The following SP9 variants were observed in gnomAD, a reference collection of about 807,000 sequenced individuals.
SP9 encodes transcription factor Sp9.
In SP9, 5 loss-of-function variants were observed where a neutral mutation model predicts 23.0. That is an observed-to-expected ratio of 0.22 (90% confidence interval 0.11 to 0.46). SP9 has a LOEUF of 0.46. Among genes scored for constraint, SP9 ranks in the 20% least tolerant of loss-of-function variants. SP9 has a pLI of 0.99. For missense variants in SP9, 542 were observed against 724.0 expected, an observed-to-expected ratio of 0.75 and a Z score of 2.88; for synonymous variants, 360 against 356.5, an observed-to-expected ratio of 1.01 and a Z score of -0.11.
Position 174,336,613 on chromosome 2 carries a change from G to A in SP9, c.528G>A (p.Ala176=), listed in dbSNP as rs1472066535. The A allele has an allele frequency of 1.4e-6, 2 of 1,428,956 alleles. No individual in the cohort carries two copies. The highest frequency in any genetic ancestry group is 5.6e-5 in the Admixed American group (2 of 35,914). The allele number at this position is 1,428,956 out of a possible 1,614,324, so 88.5% of individuals were successfully genotyped here. A position where few individuals can be genotyped will look rare whatever the true frequency, so the allele number is the denominator to read the frequency against. The change falls in exon 2 of 2, where the codon GCG becomes GCA. Residue 176 remains alanine, a synonymous_variant. Transcript: ENST00000394967. ...CGGCCGGCGAGGTGACCAACGGCGC[G>A]GCGTCGTCGTGGTGGGACGTGCACA... ...TLAAGEVTNG[A]ASSWWDVHSS... is the part of the protein sequence containing the mutation.
chr2:174,336,620 T>C lies in SP9; in HGVS notation c.535T>C (p.Ser179Pro), dbSNP rs1344449709. The part of the protein sequence containing the change: ...AGEVTNGAAS[S>P]WWDVHSSPGS... ...CGAGGTGACCAACGGCGCGGCGTCG[T>C]CGTGGTGGGACGTGCACAGCAGCCC... The change falls in exon 2 of 2, where the codon TCG becomes CCG. Residue 179 changes from serine (S) to proline (P), a missense_variant. Transcript: ENST00000394967. The C allele has an allele frequency of 2.1e-6, 3 of 1,434,770 alleles. No homozygotes were observed. Among genetic ancestry groups the C allele is most frequent in the Non-Finnish European group, 1.8e-6 (2 of 1,098,598 alleles). 88.9% of individuals were successfully genotyped at this position (1,434,770 alleles called of 1,614,324 possible).
Position 174,336,431 on chromosome 2 carries a change from G to T in SP9, c.346G>T (p.Ala116Ser). The change falls in exon 2 of 2, where the codon GCG becomes TCG. Residue 116 changes from alanine to serine, a missense_variant. This residue lies in a region of SP9 where 201 missense variants were observed against 226.3 expected (regional missense o/e 0.89). Transcript: ENST00000394967. Reference protein sequence around the residue: ...GGLFSNSAAAAAAAAGVSPQE... With the variant: ...GGLFSNSAAASAAAAGVSPQE... The stretch of plus-strand genomic sequence containing the variant: ...CCTCTTCTCCAACTCGGCGGCTGCC[G>T]CGGCGGCAGCGGCCGGGGTGTCCCC... 6.8e-7 allele frequency: 1 copy of T among 1,466,408 alleles called. No homozygotes were observed. Among genetic ancestry groups the T allele is most frequent in the Non-Finnish European group, 8.9e-7 (1 of 1,118,554 alleles). The allele number at this position is 1,466,408 out of a possible 1,614,324, so 90.8% of individuals were successfully genotyped here.
chr2:174,336,379 G>A lies in SP9; in HGVS notation c.294G>A (p.Ser98=), dbSNP rs1011967340. The part of the protein sequence containing the change: ...AFCLASTSPT[S]SAFSSDYGGL... ...GCCTGGCCTCCACGTCGCCCACGTC[G>A]TCCGCCTTCAGCAGCGACTACGGCG... Residue 98 remains serine (S), a synonymous_variant, in exon 2 of 2, where the codon TCG becomes TCA. Coordinates refer to ENST00000394967, the MANE Select transcript of SP9 (RefSeq NM_001145250.2). The A allele has an allele frequency of 4.0e-6, 6 of 1,494,332 alleles. No homozygotes were observed. The African/African-American group carries it at 8.8e-5, about 22-fold the overall frequency. The allele number at this position is 1,494,332 out of a possible 1,614,324, so 92.6% of individuals were successfully genotyped here.
chr2:174,336,464 G>A lies in SP9; in HGVS notation c.379G>A (p.Ala127Thr). ...AAAAGVSPQE[A>T]GGQSAFISKV... is the part of the protein sequence containing the mutation. The stretch of plus-strand genomic sequence containing the variant: ...AGCGGCCGGGGTGTCCCCGCAGGAG[G>A]CGGGTGGCCAGTCGGCCTTCATTTC... Residue 127 changes from alanine (A) to threonine (T), a missense_variant, in exon 2 of 2, where the codon GCG becomes ACG. This residue lies in a region of SP9 where 201 missense variants were observed against 226.3 expected (regional missense o/e 0.89). Coordinates refer to ENST00000394967, the MANE Select transcript of SP9 (RefSeq NM_001145250.2). 1.4e-6 allele frequency: 2 copies of A among 1,479,330 alleles called. No individual in the cohort carries two copies. Among genetic ancestry groups the A allele is most frequent in the Non-Finnish European group, 1.8e-6 (2 of 1,121,518 alleles). 91.6% of individuals were successfully genotyped at this position (1,479,330 alleles called of 1,614,324 possible). A position where few individuals can be genotyped will look rare whatever the true frequency, so the allele number is the denominator to read the frequency against.
In SP9 at chr2:174,336,642, G is replaced by C; in HGVS notation, c.557G>C (p.Ser186Thr). The C allele has an allele frequency of 6.7e-7, 1 of 1,492,542 alleles. No homozygotes were observed. Among genetic ancestry groups the C allele is most frequent in the East Asian group, 2.7e-5 (1 of 37,426 alleles). 92.5% of individuals were successfully genotyped at this position (1,492,542 alleles called of 1,614,324 possible). A position where few individuals can be genotyped will look rare whatever the true frequency, so the allele number is the denominator to read the frequency against. ...TCGTCGTGGTGGGACGTGCACAGCA[G>C]CCCGGGCTCGTGGCTGGAAGTGCAG... ...AASSWWDVHS[S>T]PGSWLEVQNP... Residue 186 changes from serine (S) to threonine (T), a missense_variant, in exon 2 of 2, where the codon AGC (serine) becomes ACC (threonine). By Grantham distance (58) the Ser-to-Thr change is moderately conservative. Transcript: ENST00000394967.
Position 174,336,467 on chromosome 2 carries a change from G to T in SP9, c.382G>T (p.Gly128Cys), listed in dbSNP as rs967093067. The change falls in exon 2 of 2, where the codon GGT becomes TGT. Residue 128 changes from glycine to cysteine, a missense_variant. This residue lies in a region of SP9 where 201 missense variants were observed against 226.3 expected (regional missense o/e 0.89). Coordinates refer to ENST00000394967, the MANE Select transcript of SP9 (RefSeq NM_001145250.2). ...GGCCGGGGTGTCCCCGCAGGAGGCG[G>T]GTGGCCAGTCGGCCTTCATTTCCAA... ...AAAGVSPQEA[G>C]GQSAFISKVH... is the part of the protein sequence containing the mutation. 71 of 1,479,718 alleles carry T rather than the reference G, an allele frequency of 4.8e-5. No homozygotes were observed. The highest frequency in any genetic ancestry group is 5.9e-5 in the Non-Finnish European group (66 of 1,121,600). 91.7% of individuals were successfully genotyped at this position (1,479,718 alleles called of 1,614,324 possible). A position where few individuals can be genotyped will look rare whatever the true frequency, so the allele number is the denominator to read the frequency against.
At chr2:174,335,420 C>G (rs936748922) in intron 1 of SP9, 3 of 418,784 alleles carry the variant, frequency 7.2e-6, no homozygotes, top group African/African-American at 5.9e-5. Flanking sequence ...GATTTTGTTG[C>G]AATTATGCGA....
intron 1 of SP9, chr2:174,335,720 T>G: frequency 1.9e-5 from 4 of 211,740 alleles, no homozygotes; most frequent in South Asian, 1.2e-4. Flanking sequence ...CACCCGGTGT[T>G]TGTTGTCTCT....
chr2:174,337,620 G>C lies in SP9; in HGVS notation c.*80G>C. ...AGAGGTTCGGAGGGCGAGCGAGCGG[G>C]AGGCGGGAGGGCAGGGGCTTCAGTG... On this transcript the variant is annotated 3_prime_UTR_variant, in exon 2 of 2. Transcript: ENST00000394967. 1 of 1,060,648 alleles carries C rather than the reference G, an allele frequency of 9.4e-7. No homozygotes were observed. Among genetic ancestry groups the C allele is most frequent in the African/African-American group, 1.7e-5 (1 of 58,520 alleles). 65.7% of individuals were successfully genotyped at this position (1,060,648 alleles called of 1,614,324 possible).
intron 1 of SP9, 100 bp downstream of exon 1, chr2:174,335,213 G>C: frequency 7.6e-7 from 1 of 1,309,874 alleles, no homozygotes; most frequent in Admixed American, 2.0e-5. Flanking sequence ...GTTGCTGCTA[G>C]ACTGCAGCTT....
At position 174,335,011 on chromosome 2, in the gene SP9, C is replaced by A; in HGVS notation, c.-82C>A. 2 of 1,490,360 alleles carry A rather than the reference C, an allele frequency of 1.3e-6. No individual in the cohort carries two copies. The highest frequency in any genetic ancestry group is 1.8e-6 in the Non-Finnish European group (2 of 1,095,058). 92.3% of individuals were successfully genotyped at this position (1,490,360 alleles called of 1,614,324 possible). On this transcript the variant is annotated 5_prime_UTR_variant, in exon 1 of 2. Coordinates refer to ENST00000394967, the MANE Select transcript of SP9 (RefSeq NM_001145250.2). ...GGCACGAGCGCGGGGACGCGGGAGCCGCGCGGGACCCAAGCAGTTTTTCCG... is the reference window on the plus strand; with the variant it reads ...GGCACGAGCGCGGGGACGCGGGAGCAGCGCGGGACCCAAGCAGTTTTTCCG...
Position 174,337,424 on chromosome 2 carries a change from G to A in SP9, c.1339G>A (p.Asp447Asn). 1 of 1,491,854 alleles carries A rather than the reference G, an allele frequency of 6.7e-7. No individual in the cohort carries two copies. Among genetic ancestry groups the A allele is most frequent in the Admixed American group, 2.2e-5 (1 of 45,566 alleles). The allele number at this position is 1,491,854 out of a possible 1,614,324, so 92.4% of individuals were successfully genotyped here. ...RSESPDLILHDSGVSAARAAA... is the reference protein window; with the variant it reads ...RSESPDLILHNSGVSAARAAA... ...CGAATCCCCCGACCTCATCCTGCAT[G>A]ACTCCGGCGTCAGTGCCGCCCGGGC... is the stretch of plus-strand genomic sequence containing the variant. The change falls in exon 2 of 2, where the codon GAC becomes AAC. Residue 447 changes from aspartate to asparagine, a missense_variant. By Grantham distance (23) the Asp-to-Asn change is conservative. Coordinates refer to ENST00000394967, the MANE Select transcript of SP9 (RefSeq NM_001145250.2).
At chr2:174,335,742 T>G in intron 1 of SP9, 1 of 258,910 alleles carries the variant, frequency 3.9e-6, no homozygotes, top group Admixed American at 5.2e-5. Flanking sequence ...GTCTCTGTGT[T>G]TACCTTCGCG....
chr2:174,336,330 CG>C lies in SP9; in HGVS notation c.248del (p.Gly83AlafsTer90). ...GRGSGGLAGG[S>X]GAANSAFCLA... is the part of the protein sequence containing the mutation. Reference sequence around the variant, plus strand: ...GGCTCGGGCGGCCTGGCGGGCGGCTCGGGCGCCGCCAACAGCGCCTTCTGCC... The same window carrying C: ...GGCTCGGGCGGCCTGGCGGGCGGCTCGGCGCCGCCAACAGCGCCTTCTGCC... On this transcript the variant is annotated frameshift_variant, in exon 2 of 2. Transcript: ENST00000394967. LOFTEE classifies it high-confidence loss of function. 6.7e-7 allele frequency: 1 copy of C among 1,497,578 alleles called. No individual in the cohort carries two copies. The allele number at this position is 1,497,578 out of a possible 1,614,324, so 92.8% of individuals were successfully genotyped here.
chr2:174,337,129 C>G lies in SP9; in HGVS notation c.1044C>G (p.His348Gln). 6.2e-7 allele frequency: 1 copy of G among 1,606,864 alleles called. No individual in the cohort carries two copies. The highest frequency in any genetic ancestry group is 8.5e-7 in the Non-Finnish European group (1 of 1,177,590). Residue 348 changes from histidine to glutamine, a missense_variant, in exon 2 of 2, where the codon CAC (histidine) becomes CAG (glutamine). Physicochemically the swap from His to Gln is conservative, Grantham distance 24. Transcript: ENST00000394967. ...GCAAGGTGTACGGGAAGACGTCGCA[C>G]CTGAAGGCGCACCTGCGCTGGCACA... ...GCGKVYGKTS[H>Q]LKAHLRWHTG...
chr2:174,337,914 G>T lies in SP9; in HGVS notation c.*374G>T. 1 of 153,554 alleles carries T rather than the reference G, an allele frequency of 6.5e-6. No homozygotes were observed. The highest frequency in any genetic ancestry group is 1.8e-4 in the East Asian group (1 of 5,420). The allele number at this position is 153,554 out of a possible 1,614,324, so 9.5% of individuals were successfully genotyped here. On this transcript the variant is annotated 3_prime_UTR_variant, in exon 2 of 2. Transcript: ENST00000394967. ...CACTCGCCCAAACTTCTCGAGCGAA[G>T]AGCAATACATAGAAAGGCTCCCTCT...
Position 174,337,075 on chromosome 2 carries a change from C to A in SP9, c.990C>A (p.Gly330=). 1.3e-6 allele frequency: 2 copies of A among 1,576,728 alleles called. No homozygotes were observed. Among genetic ancestry groups the A allele is most frequent in the Non-Finnish European group, 1.7e-6 (2 of 1,166,012 alleles). The change falls in exon 2 of 2, where the codon GGC becomes GGA. Residue 330 remains glycine (G), a synonymous_variant. Transcript: ENST00000394967. Reference sequence around the variant, plus strand: ...CCGGGGCGAGCCTGCGGCGCAAGGGCCTGCACAGCTGCCACATTCCGGGCT... The same window carrying A: ...CCGGGGCGAGCCTGCGGCGCAAGGGACTGCACAGCTGCCACATTCCGGGCT... ...GPAGASLRRK[G]LHSCHIPGCG...
chr2:174,336,298 G>A lies in SP9; in HGVS notation c.213G>A (p.Gly71=). The A allele has an allele frequency of 6.6e-7, 1 of 1,514,546 alleles. No individual in the cohort carries two copies. The highest frequency in any genetic ancestry group is 1.2e-5 in the South Asian group (1 of 81,376). 93.8% of individuals were successfully genotyped at this position (1,514,546 alleles called of 1,614,324 possible). A position where few individuals can be genotyped will look rare whatever the true frequency, so the allele number is the denominator to read the frequency against. Residue 71 remains glycine, a synonymous_variant, in exon 2 of 2, where the codon GGG becomes GGA. Transcript: ENST00000394967. ...SSLSGFAVAT[G]GRGSGGLAGG... ...TCTCGGGCTTCGCGGTGGCCACCGG[G>A]GGCCGTGGCTCGGGCGGCCTGGCGG...
rs1317188248 is a variant in SP9 at position 174,337,385 on chromosome 2, G to C, written c.1300G>C (p.Glu434Gln). The C allele has an allele frequency of 1.3e-6, 2 of 1,549,202 alleles. No individual in the cohort carries two copies. Among genetic ancestry groups the C allele is most frequent in the African/African-American group, 2.7e-5 (2 of 72,950 alleles). ...CAGTGACACGGACGCCAGCAACCTG[G>C]AGACGCCCCGTTCCGAATCCCCCGA... is the stretch of plus-strand genomic sequence containing the variant. Reference protein sequence around the residue: ...SDSDTDASNLETPRSESPDLI... With the variant: ...SDSDTDASNLQTPRSESPDLI... The change falls in exon 2 of 2, where the codon GAG (glutamate) becomes CAG (glutamine). Residue 434 changes from glutamate (E) to glutamine (Q), a missense_variant. This residue lies in a region of SP9 where 35 missense variants were observed against 67.2 expected (regional missense o/e 0.52). Transcript: ENST00000394967.
Sources: gnomAD v4.1 joint callset for allele counts on GRCh38, gnomAD v4.1.1 for gene constraint, gnomAD v4.1.1 regional missense constraint, MANE v1.5 for transcripts, NCBI Gene and HGNC (gene_info 2026-07-23, HGNC 2026-07-21) for gene names.